Variants in SLC30A5 observed in about 807,000 individuals in gnomAD.
SLC30A5 encodes solute carrier family 30 member 5.
Under a neutral mutation model 79.6 loss-of-function variants are expected in SLC30A5, and 33 were observed. The ratio of observed to expected loss-of-function variants is 0.41; its 90% confidence interval spans 0.31 to 0.55. The LOEUF (loss-of-function observed/expected upper bound fraction) is 0.55, where lower values mean the gene tolerates loss of function less well. Ranked by LOEUF, SLC30A5 falls within the 20% of genes least tolerant of loss-of-function variation. The pLI is 0.20. For synonymous variants in SLC30A5, 299 were observed against 319.7 expected (o/e 0.94, Z 0.69); for missense variants, 788 against 928.1 (o/e 0.85, Z 1.96).
chr5:69,107,444 C>T (rs140032605), intron 4 of SLC30A5, among the ~76,000 whole-genome samples: 370 of 152,198 alleles, frequency 2.4e-3, no homozygotes, highest in African/African-American at 8.6e-3. Flanking sequence ...AGCAAAAGTA[C>T]ATTCTAAAAT....
At chr5:69,124,674 C>A (rs958955615) in intron 14 of SLC30A5, among the ~76,000 whole-genome samples, 1 of 152,172 alleles carries the variant, frequency 6.6e-6, no homozygotes, top group African/African-American at 2.4e-5. Context: ...CTCCCGGGTT[C>A]AAGCGATTCT....
intron 5 of SLC30A5, among the ~76,000 whole-genome samples, chr5:69,109,162 T>C (rs1380294865): frequency 6.6e-6 from 1 of 152,166 alleles, no homozygotes; most frequent in Non-Finnish European, 1.5e-5. Context: ...TCAACAATAA[T>C]TTAATCATAC....
At chr5:69,118,019 C>T (rs1746420253) in intron 11 of SLC30A5, among the ~76,000 whole-genome samples, 1 of 146,050 alleles carries the variant, frequency 6.8e-6, no homozygotes, top group Non-Finnish European at 1.5e-5. Flanking sequence ...ACTAAAAATA[C>T]AAAAAAAATT....
intron 12 of SLC30A5, among the ~76,000 whole-genome samples, chr5:69,120,209 G>T (rs575122432): frequency 1.3e-5 from 2 of 151,442 alleles, no homozygotes; most frequent in African/African-American, 2.4e-5. Context: ...AAATATTTAC[G>T]AGATGTACTA....
intron 7 of SLC30A5, 68 bp from the exon 8 acceptor site, chr5:69,115,164 AAGATC>A: frequency 4.9e-6 from 4 of 818,298 alleles, no homozygotes; most frequent in Non-Finnish European, 3.6e-6. Flanking sequence ...AAAAAAAAAA[AAGATC>A]ATGTATTTAA....
rs143558866 is a variant in SLC30A5 at position 69,107,719 on chromosome 5, T to C, written c.360-630T>C. Among the ~76,000 whole-genome samples the C allele has an allele frequency of 1.4e-3, 215 of 151,744 alleles. 1 individual carries two copies. The highest frequency in any genetic ancestry group is 4.9e-3 in the African/African-American group (202 of 41,386). On this transcript the variant is annotated intron_variant, in intron 4 of 15. Coordinates refer to ENST00000396591, the MANE Select transcript of SLC30A5 (RefSeq NM_022902.5). The stretch of plus-strand genomic sequence containing the variant: ...AAAATAATGTTATGCAGCACATGGG[T>C]ATATGTTGCCTGTACTTTTTTTTTT...
At chr5:69,104,212 A>G in intron 3 of SLC30A5, 1 of 817,788 alleles carries the variant, frequency 1.2e-6, no homozygotes, top group African/African-American at 1.9e-5. Flanking sequence ...ATCTTGTCTC[A>G]CTGCAACCTC....
rs1260277029 is a variant in SLC30A5, at chr5:69,116,190, G to A, written c.1048G>A (p.Val350Met). 12 of 1,611,630 alleles carry A rather than the reference G, an allele frequency of 7.4e-6. No homozygotes were observed. The East Asian group carries it at 2.7e-4, about 36-fold the overall frequency. ...TEHVLSGGVV[V>M]SAIFFILSAN... ...ACACGTCCTGTCTGGAGGAGTGGTA[G>A]TGAGTGCTATATTCTTCATTTTGTG... is the stretch of plus-strand genomic sequence containing the variant. The change falls in exon 9 of 16, where the codon GTG becomes ATG. Residue 350 changes from valine (V) to methionine (M), a missense_variant. By Grantham distance (21) the Val-to-Met change is conservative. Transcript: ENST00000396591. This position sits in a 1 kb window ranked among gnomAD's most constrained non-coding sequence, Gnocchi z 4.0.
intron 14 of SLC30A5, among the ~76,000 whole-genome samples, chr5:69,125,870 CAAAAAAAAA>C (rs532994254): frequency 3.5e-4 from 19 of 54,196 alleles, no homozygotes; most frequent in African/African-American, 1.1e-3. Context: ...GACTCCGTCT[CAAAAAAAAA>C]AAAAAAAAAA....
intron 2 of SLC30A5, chr5:69,102,486 T>C (rs899929976): frequency 3.9e-5 from 6 of 152,234 alleles, no homozygotes; most frequent in African/African-American, 1.4e-4. Context: ...AATTCTCTTC[T>C]TTGATATTTT....
chr5:69,124,045 A>G (rs555339790), intron 14 of SLC30A5, among the ~76,000 whole-genome samples: 478 of 147,236 alleles, frequency 3.2e-3, no homozygotes, highest in Middle Eastern at 0.014. Flanking sequence ...CCCGGGAGGC[A>G]GAGCTTGCAG....
In SLC30A5 at chr5:69,097,200, C is replaced by T. The variant is rs562094057; in HGVS notation, c.83+2862C>T. 4.0e-3 allele frequency among the ~76,000 whole-genome samples: 587 copies of T among 146,132 alleles called. 7 individuals carry two copies. Among genetic ancestry groups the T allele is most frequent in the African/African-American group, 0.014 (544 of 39,076 alleles). On this transcript the variant is annotated intron_variant, in intron 1 of 15. Coordinates refer to ENST00000396591, the MANE Select transcript of SLC30A5 (RefSeq NM_022902.5). ...GCGCGATCTCGGCTCACTGCAAGCT[C>T]CGCCTCCCGGATTCGCACCATTCTC...
At chr5:69,105,848 T>C (rs1353632775) in intron 4 of SLC30A5, among the ~76,000 whole-genome samples, 2 of 152,198 alleles carry the variant, frequency 1.3e-5, no homozygotes, top group Admixed American at 6.5e-5. Context: ...GCAGGAACCC[T>C]GTTGTGAACT....
At chr5:69,108,216 T>C (rs999752751) in intron 4 of SLC30A5, 133 bp from the exon 5 acceptor site, 5 of 676,436 alleles carry the variant, frequency 7.4e-6, no homozygotes, top group Admixed American at 2.7e-5. Flanking sequence ...TCTAAAGCAG[T>C]TGTACCTATT....
At chr5:69,122,415 A>T (rs1738945581) in intron 13 of SLC30A5, among the ~76,000 whole-genome samples, 1 of 152,186 alleles carries the variant, frequency 6.6e-6, no homozygotes. Flanking sequence ...GCACTTTGGG[A>T]GGCCAAGGTG....
intron 14 of SLC30A5, among the ~76,000 whole-genome samples, chr5:69,127,515 G>A (rs113275443): frequency 0.021 from 3,217 of 151,582 alleles, 107 homozygotes; most frequent in African/African-American, 0.073. Flanking sequence ...GCGTGGTGGC[G>A]TGCACCCGTA....
At chr5:69,104,856 G>GGTTTGTTCT in intron 4 of SLC30A5, 140 bp downstream of exon 4, 1 of 743,264 alleles carries the variant, frequency 1.3e-6, no homozygotes, top group Non-Finnish European at 2.1e-6. Context: ...GAATTCAACA[G>GGTTTGTTCT]ATAGAACAAA....
Position 69,123,280 on chromosome 5 carries a change from G to A in SLC30A5, c.1853G>A (p.Trp618Ter), listed in dbSNP as rs777752095. 9.3e-6 allele frequency: 15 copies of A among 1,613,984 alleles called. No individual in the cohort carries two copies. The highest frequency in any genetic ancestry group is 1.3e-5 in the Non-Finnish European group (15 of 1,179,974). ...ACAGTTCTTATAGAGCAGTTTGGAT[G>A]GTTCATCGCTGACCCACTCTGTTCT... The part of the protein sequence containing the change: ...VSTVLIEQFG[W>*]FIADPLCSLF... The change falls in exon 14 of 16, where the codon TGG becomes TAG. Residue 618 changes from tryptophan to a stop codon, truncating the protein, a stop_gained. Coordinates refer to ENST00000396591, the MANE Select transcript of SLC30A5 (RefSeq NM_022902.5). LOFTEE classifies it high-confidence loss of function.
At chr5:69,126,528 C>G (rs893970118) in intron 14 of SLC30A5, among the ~76,000 whole-genome samples, 1 of 151,952 alleles carries the variant, frequency 6.6e-6, no homozygotes. Context: ...TTTGGGAGGC[C>G]GAGGCGGGCG....
Sources: allele counts gnomAD v4.1 joint callset (sites outside exome capture counted in the v4.1 genomes callset), GRCh38; gene constraint gnomAD v4.1.1; non-coding constraint Gnocchi (gnomAD v3.1); transcripts MANE v1.5; gene names NCBI Gene and HGNC (gene_info 2026-07-23, HGNC 2026-07-21).